The following MDGA2 variants were observed in gnomAD, a reference collection of about 807,000 sequenced individuals.
The protein encoded by MDGA2 is MAM domain containing glycosylphosphatidylinositol anchor 2, also known as MAM domain-containing glycosylphosphatidylinositol anchor protein 2.
Under a neutral mutation model 117.8 loss-of-function variants are expected in MDGA2, and 40 were observed. The observed-to-expected ratio is 0.34, with a 90% CI of 0.26 to 0.44. The LOEUF (loss-of-function observed/expected upper bound fraction) is 0.44. Ranked by LOEUF, MDGA2 falls within the 20% of genes least tolerant of loss-of-function variation. MDGA2 has a pLI of 1.00. For synonymous variants in MDGA2, 452 were observed against 439.0 expected, an observed-to-expected ratio of 1.03 and a Z score of -0.37; for missense variants, 1,123 against 1,250.6, an observed-to-expected ratio of 0.90 and a Z score of 1.54.
chr14:47,056,012 G>A (rs1889662103), intron 7 of MDGA2, among the ~76,000 whole-genome samples: 2 of 152,070 alleles, frequency 1.3e-5, no homozygotes, highest in Non-Finnish European at 2.9e-5. Flanking sequence ...CATAACTTTT[G>A]ATTGCAGGGT....
intron 2 of MDGA2, among the ~76,000 whole-genome samples, chr14:47,255,091 G>C (rs1232903031): frequency 6.6e-6 from 1 of 152,110 alleles, no homozygotes; most frequent in Non-Finnish European, 1.5e-5. Flanking sequence ...ATGACATTTG[G>C]GTGGGGACAC....
At chr14:47,440,231 GA>G (rs1159242921) in intron 1 of MDGA2, among the ~76,000 whole-genome samples, 1 of 152,106 alleles carries the variant, frequency 6.6e-6, no homozygotes, top group Admixed American at 6.6e-5. Context: ...CTGCACACAG[GA>G]AAAAGTACAC....
At chr14:47,658,168 G>A (rs895574653) in intron 1 of MDGA2, among the ~76,000 whole-genome samples, 33 of 151,724 alleles carry the variant, frequency 2.2e-4, no homozygotes, top group South Asian at 2.1e-4. Flanking sequence ...AAAGAACAAA[G>A]TCACTTTTCA....
intron 6 of MDGA2, among the ~76,000 whole-genome samples, chr14:47,091,040 G>T (rs1414976550): frequency 6.6e-6 from 1 of 152,140 alleles, no homozygotes; most frequent in Non-Finnish European, 1.5e-5. Flanking sequence ...TTTTGGGATG[G>T]TTTGTTACAT....
At chr14:47,593,672 A>G (rs1250237948) in intron 1 of MDGA2, among the ~76,000 whole-genome samples, 1 of 152,074 alleles carries the variant, frequency 6.6e-6, no homozygotes, top group Non-Finnish European at 1.5e-5. Context: ...GTGTGAACTG[A>G]ACAATGAGAA....
chr14:47,124,032 G>A (rs1230598172), intron 5 of MDGA2, among the ~76,000 whole-genome samples: 1 of 152,024 alleles, frequency 6.6e-6, no homozygotes, highest in Non-Finnish European at 1.5e-5. Flanking sequence ...AATAAGATTT[G>A]TTGTGTTCCA....
chr14:47,510,354 T>C (rs564853110), intron 1 of MDGA2, among the ~76,000 whole-genome samples: 13 of 152,316 alleles, frequency 8.5e-5, no homozygotes, highest in South Asian at 4.1e-4. Context: ...AACTTTATTA[T>C]AGAAACCCAA....
At chr14:47,326,627 C>G (rs1890150524) in intron 1 of MDGA2, among the ~76,000 whole-genome samples, 1 of 151,830 alleles carries the variant, frequency 6.6e-6, no homozygotes, top group South Asian at 2.1e-4. Flanking sequence ...TGTTGTTGCC[C>G]CAGTCATTCT....
intron 1 of MDGA2, among the ~76,000 whole-genome samples, chr14:47,518,386 G>A (rs887813908): frequency 2.6e-5 from 4 of 152,056 alleles, no homozygotes; most frequent in Non-Finnish European, 5.9e-5. Context: ...ACACGTTAAT[G>A]TTATATATGC....
chr14:47,381,143 T>G (rs1021279733), intron 1 of MDGA2, among the ~76,000 whole-genome samples: 1 of 152,154 alleles, frequency 6.6e-6, no homozygotes, highest in African/African-American at 2.4e-5. Context: ...AGAAAAGGCC[T>G]TCGACAAAAT....
intron 7 of MDGA2, among the ~76,000 whole-genome samples, chr14:47,044,852 T>TGAAA (rs1889200770): frequency 1.3e-5 from 2 of 152,168 alleles, no homozygotes; most frequent in South Asian, 4.1e-4. Flanking sequence ...TGACTATTTT[T>TGAAA]GAAAGAAATG....
intron 8 of MDGA2, among the ~76,000 whole-genome samples, chr14:46,994,990 C>T (rs1197166418): frequency 1.3e-5 from 2 of 151,776 alleles, no homozygotes. Context: ...TGGTCAATAC[C>T]AATATTAAAA....
intron 1 of MDGA2, among the ~76,000 whole-genome samples, chr14:47,660,549 C>T (rs1897826090): frequency 1.3e-5 from 2 of 152,202 alleles, no homozygotes; most frequent in African/African-American, 2.4e-5. Context: ...ATCAACTGTC[C>T]TCTTGAACAC....
chr14:47,440,721 G>T (rs897089847), intron 1 of MDGA2, among the ~76,000 whole-genome samples: 5 of 152,104 alleles, frequency 3.3e-5, no homozygotes, highest in African/African-American at 1.2e-4. Context: ...AAAGGGAATT[G>T]TCAAAATATA....
chr14:47,433,853 G>C (rs898397635), intron 1 of MDGA2, among the ~76,000 whole-genome samples: 5 of 152,092 alleles, frequency 3.3e-5, no homozygotes, highest in African/African-American at 1.2e-4. Context: ...ATGTGTTGAA[G>C]CTTCACAGAG....
At chr14:47,399,295 A>T (rs1481755063) in intron 1 of MDGA2, among the ~76,000 whole-genome samples, 1 of 152,188 alleles carries the variant, frequency 6.6e-6, no homozygotes, top group Non-Finnish European at 1.5e-5. Flanking sequence ...CTGACATTGA[A>T]ATTCATTGTC....
At chr14:46,889,937 T>C (rs1882816589) in intron 10 of MDGA2, among the ~76,000 whole-genome samples, 1 of 152,068 alleles carries the variant, frequency 6.6e-6, no homozygotes, top group Non-Finnish European at 1.5e-5. Flanking sequence ...TCAGGGAATA[T>C]AGGCACCCAC....
intron 1 of MDGA2, among the ~76,000 whole-genome samples, chr14:47,566,477 G>A (rs1394757730): frequency 6.6e-6 from 1 of 152,170 alleles, no homozygotes; most frequent in East Asian, 1.9e-4. Flanking sequence ...CCTAGGAGAT[G>A]AATGTCCCTG....
At chr14:46,966,900 T>C (rs1886053260) in intron 8 of MDGA2, among the ~76,000 whole-genome samples, 1 of 141,698 alleles carries the variant, frequency 7.1e-6, no homozygotes, top group South Asian at 2.5e-4. Context: ...AAAATGTTTA[T>C]TTGTGTGTAT....
Sources: allele counts gnomAD v4.1 joint callset (sites outside exome capture counted in the v4.1 genomes callset), GRCh38; gene constraint gnomAD v4.1.1; transcripts MANE v1.5; gene names NCBI Gene and HGNC (gene_info 2026-07-23, HGNC 2026-07-21).